PIP4K2A: variants seen among roughly 807,000 people sequenced by gnomAD.
PIP4K2A encodes the protein phosphatidylinositol-5-phosphate 4-kinase type 2 alpha.
A neutral mutation model predicts 42.9 loss-of-function variants in PIP4K2A; 14 were observed. That is an observed-to-expected ratio of 0.33 (90% confidence interval 0.22 to 0.51). The LOEUF is 0.51. PIP4K2A is among the 20% of genes least tolerant of loss of function. The probability of loss-of-function intolerance (pLI) is 0.97; values close to 1 mark genes in which losing one functional copy is unlikely to be tolerated. For missense variants in PIP4K2A, 434 were observed against 519.8 expected, an observed-to-expected ratio of 0.83 and a Z score of 1.61; for synonymous variants, 192 against 192.2, an observed-to-expected ratio of 1.00 and a Z score of 0.01.
Position 22,601,921 on chromosome 10 carries a change from T to C in PIP4K2A, c.339+6006A>G, listed in dbSNP as rs114922530. ...TCAGGTCCCAGTGCCTCTGTGGCTCTTGTCCTTTGCCACTGGCCACTGAAC... is the reference window on the plus strand; with the variant it reads ...TCAGGTCCCAGTGCCTCTGTGGCTCCTGTCCTTTGCCACTGGCCACTGAAC... On this transcript the variant is annotated intron_variant, in intron 3 of 9. Transcript: ENST00000376573. Among the ~76,000 whole-genome samples, 391 of 152,312 alleles carry C rather than the reference T, an allele frequency of 2.6e-3. 4 individuals are homozygous for C. The highest frequency in any genetic ancestry group is 8.7e-3 in the African/African-American group (362 of 41,558).
At chr10:22,592,750 G>GTCTAGCAAAT (rs1837542192) in intron 3 of PIP4K2A, among the ~76,000 whole-genome samples, 1 of 152,170 alleles carries the variant, frequency 6.6e-6, no homozygotes, top group African/African-American at 2.4e-5. Context: ...TCCAGCCATG[G>GTCTAGCAAAT]GGTCTAGCAA....
chr10:22,543,249 G>A (rs764701997), intron 7 of PIP4K2A, among the ~76,000 whole-genome samples: 1 of 152,130 alleles, frequency 6.6e-6, no homozygotes. Context: ...CCACTCTCCA[G>A]CTGGTTCCTG....
intron 1 of PIP4K2A, among the ~76,000 whole-genome samples, chr10:22,679,480 T>C (rs1195327234): frequency 6.6e-6 from 1 of 152,162 alleles, no homozygotes; most frequent in Non-Finnish European, 1.5e-5. Flanking sequence ...AATGTAAAAT[T>C]ATACAGTTGC....
intron 3 of PIP4K2A, among the ~76,000 whole-genome samples, chr10:22,592,718 C>T (rs1837541129): frequency 6.6e-6 from 1 of 152,150 alleles, no homozygotes; most frequent in South Asian, 2.1e-4. Context: ...TCCTCCTTGC[C>T]CCAACCTCTT....
At chr10:22,629,051 A>G (rs1051898663) in intron 1 of PIP4K2A, among the ~76,000 whole-genome samples, 1 of 152,190 alleles carries the variant, frequency 6.6e-6, no homozygotes, top group South Asian at 2.1e-4. Context: ...TTTGGTTTAC[A>G]TAACTCTCCT....
intron 5 of PIP4K2A, chr10:22,569,014 G>C (rs1040808990): frequency 4.6e-6 from 7 of 1,534,108 alleles, no homozygotes; most frequent in Non-Finnish European, 6.1e-6. Flanking sequence ...TGAACTTACA[G>C]TTGGCTTGGG....
At chr10:22,653,768 G>A (rs892167495) in intron 1 of PIP4K2A, among the ~76,000 whole-genome samples, 4 of 152,156 alleles carry the variant, frequency 2.6e-5, no homozygotes, top group African/African-American at 7.2e-5. Flanking sequence ...CCAGCTACTC[G>A]GAGGCTGAGG....
intron 2 of PIP4K2A, among the ~76,000 whole-genome samples, chr10:22,608,712 A>G (rs1320375333): frequency 6.6e-6 from 1 of 152,100 alleles, no homozygotes; most frequent in Admixed American, 6.5e-5. Context: ...GTCTTTACAA[A>G]AAGTTTTTTA....
At position 22,542,033 on chromosome 10, in the gene PIP4K2A, C is replaced by CA; in HGVS notation, c.806dup (p.Lys270GlufsTer13). On this transcript the variant is annotated frameshift_variant, in exon 8 of 10. Transcript: ENST00000376573. LOFTEE classifies it high-confidence loss of function. ...CCAGCAGACTGTAGTCCATGAGCTTCAGCTGGGCCAGAAACTGGGGACAGA... is the reference window on the plus strand; with the variant it reads ...CCAGCAGACTGTAGTCCATGAGCTTCAAGCTGGGCCAGAAACTGGGGACAGA... 1 of 1,608,442 alleles carries CA rather than the reference C, an allele frequency of 6.2e-7. No homozygotes were observed. The highest frequency in any genetic ancestry group is 1.1e-5 in the South Asian group (1 of 90,112).
intron 3 of PIP4K2A, among the ~76,000 whole-genome samples, chr10:22,601,482 C>G (rs1837776311): frequency 6.6e-6 from 1 of 152,172 alleles, no homozygotes; most frequent in African/African-American, 2.4e-5. Context: ...AGGGGCCTCC[C>G]TTGGGTCTCA....
intron 6 of PIP4K2A, among the ~76,000 whole-genome samples, chr10:22,563,686 G>A (rs940628591): frequency 6.6e-6 from 1 of 152,090 alleles, no homozygotes. Context: ...GTGCGCTCTG[G>A]GGCTGCTGAT....
At chr10:22,705,285 C>T (rs1833797026) in intron 1 of PIP4K2A, among the ~76,000 whole-genome samples, 3 of 151,982 alleles carry the variant, frequency 2.0e-5, no homozygotes, top group Admixed American at 2.0e-4. Context: ...CAAACATCAA[C>T]CACTTGGCCC....
intron 1 of PIP4K2A, among the ~76,000 whole-genome samples, chr10:22,697,084 T>C (rs967344947): frequency 2.0e-5 from 3 of 152,234 alleles, no homozygotes; most frequent in African/African-American, 4.8e-5. Context: ...CTAAGAGCTC[T>C]ACTTTTTTCC....
chr10:22,705,109 G>A (rs1446841893), intron 1 of PIP4K2A, among the ~76,000 whole-genome samples: 1 of 151,918 alleles, frequency 6.6e-6, no homozygotes, highest in Non-Finnish European at 1.5e-5. Flanking sequence ...GGGGAAGTGG[G>A]GGACAGGACA....
At chr10:22,598,829 G>A (rs754591458) in intron 3 of PIP4K2A, among the ~76,000 whole-genome samples, 1 of 152,172 alleles carries the variant, frequency 6.6e-6, no homozygotes, top group Non-Finnish European at 1.5e-5. Context: ...GGGAATGGAC[G>A]ATGATTTACT....
At chr10:22,653,503 T>G (rs1378597793) in intron 1 of PIP4K2A, among the ~76,000 whole-genome samples, 1 of 152,172 alleles carries the variant, frequency 6.6e-6, no homozygotes, top group Non-Finnish European at 1.5e-5. Context: ...CTCTTAATGA[T>G]TCAATTCAGC....
chr10:22,663,662 T>C (rs1425373166), intron 1 of PIP4K2A, among the ~76,000 whole-genome samples: 2 of 152,104 alleles, frequency 1.3e-5, no homozygotes, highest in Non-Finnish European at 2.9e-5. Context: ...GTTTTTGATA[T>C]ATATTCTTCT....
intron 1 of PIP4K2A, among the ~76,000 whole-genome samples, chr10:22,667,379 T>A (rs999281188): frequency 6.6e-6 from 1 of 151,470 alleles, no homozygotes; most frequent in Non-Finnish European, 1.5e-5. Flanking sequence ...TAATTTTTTA[T>A]GAATACCAAA....
At chr10:22,543,702 GA>G (rs1836186740) in intron 7 of PIP4K2A, among the ~76,000 whole-genome samples, 1 of 152,218 alleles carries the variant, frequency 6.6e-6, no homozygotes, top group African/African-American at 2.4e-5. Flanking sequence ...ACCTGGCCGA[GA>G]TCACCTGGCT....
Sources: gnomAD v4.1 joint callset for allele counts (sites outside exome capture counted in the v4.1 genomes callset) on GRCh38, gnomAD v4.1.1 for gene constraint, MANE v1.5 for transcripts, NCBI Gene and HGNC (gene_info 2026-07-23, HGNC 2026-07-21) for gene names.